The following MBD5 variants were observed in gnomAD, a reference collection of about 807,000 sequenced individuals.
The protein encoded by MBD5 is methyl-CpG binding domain protein 5, also known as methyl-CpG-binding domain protein 5.
MBD5 carries 13 observed loss-of-function variants against 117.3 expected under a neutral mutation model. The ratio of observed to expected loss-of-function variants is 0.11; its 90% CI spans 0.07 to 0.18. The LOEUF is 0.18. MBD5 is among the 10% of genes least tolerant of loss of function. The pLI, the probability that MBD5 is intolerant of heterozygous loss-of-function variation, is 1.00. For synonymous variants in MBD5, 727 were observed against 766.4 expected (o/e 0.95, Z 0.85); for missense variants, 1,879 against 2,093.8 (o/e 0.90, Z 2.00).
chr2:148,070,596 G>T (rs1373673689), intron 1 of MBD5, among the ~76,000 whole-genome samples: 1 of 152,026 alleles, frequency 6.6e-6, no homozygotes, highest in Admixed American at 6.6e-5. Flanking sequence ...ATATTTCACT[G>T]TTTTGTCCAA....
intron 3 of MBD5, chr2:148,244,504 C>T (rs539846653): frequency 2.6e-5 from 4 of 152,218 alleles, no homozygotes; most frequent in African/African-American, 9.6e-5. Context: ...GGAAATATGT[C>T]ATGAGCTATA....
At chr2:148,232,520 T>C (rs879729757) in intron 2 of MBD5, among the ~76,000 whole-genome samples, 4 of 152,128 alleles carry the variant, frequency 2.6e-5, no homozygotes, top group Non-Finnish European at 4.4e-5. Flanking sequence ...TGTTACCTAA[T>C]TGGAATGCAA....
chr2:148,222,288 G>T (rs967266573), intron 2 of MBD5, among the ~76,000 whole-genome samples: 1 of 151,896 alleles, frequency 6.6e-6, no homozygotes, highest in South Asian at 2.1e-4. Flanking sequence ...ATGTGTGTGT[G>T]TTTGAAGAAT....
intron 11 of MBD5, among the ~76,000 whole-genome samples, chr2:148,497,351 A>G (rs1340740010): frequency 2.6e-5 from 4 of 152,078 alleles, no homozygotes; most frequent in African/African-American, 9.7e-5. Context: ...TATTACTTGT[A>G]TTTTTCTAAT....
At chr2:148,082,603 G>A (rs1695671795) in intron 1 of MBD5, among the ~76,000 whole-genome samples, 1 of 152,144 alleles carries the variant, frequency 6.6e-6, no homozygotes, top group Admixed American at 6.5e-5. Context: ...TGGAATAAGT[G>A]GTAAAAGAAA....
chr2:148,508,277 A>G (rs1227532447), intron 12 of MBD5, among the ~76,000 whole-genome samples: 5 of 152,216 alleles, frequency 3.3e-5, no homozygotes, highest in African/African-American at 1.2e-4. Context: ...GACAGTACAT[A>G]CATAATAAAA....
intron 1 of MBD5, among the ~76,000 whole-genome samples, chr2:148,037,122 T>G (rs946418324): frequency 1.3e-5 from 2 of 152,012 alleles, no homozygotes; most frequent in African/African-American, 4.8e-5. Flanking sequence ...AACTTAACAT[T>G]TAGTATACTA....
intron 4 of MBD5, among the ~76,000 whole-genome samples, chr2:148,381,390 A>C (rs1235909733): frequency 6.6e-6 from 1 of 152,154 alleles, no homozygotes; most frequent in East Asian, 1.9e-4. Flanking sequence ...GAAATGAATG[A>C]AATGAGAAGT....
chr2:148,202,417 C>CA, intron 2 of MBD5, among the ~76,000 whole-genome samples: 1 of 151,984 alleles, frequency 6.6e-6, no homozygotes, highest in East Asian at 1.9e-4. Flanking sequence ...AATGGAACAG[C>CA]AAATGTAAAG....
chr2:148,408,100 T>A (rs1040935958), intron 4 of MBD5, among the ~76,000 whole-genome samples: 2 of 151,980 alleles, frequency 1.3e-5, no homozygotes, highest in African/African-American at 2.4e-5. Context: ...TTTTAAAACA[T>A]CCCAATTGAT....
At chr2:148,410,055 TGAA>T (rs1232983616) in intron 4 of MBD5, among the ~76,000 whole-genome samples, 1 of 152,146 alleles carries the variant, frequency 6.6e-6, no homozygotes, top group African/African-American at 2.4e-5. Flanking sequence ...TCAGACCTGG[TGAA>T]GAAGAACAAT....
At chr2:148,408,676 T>C (rs1392153529) in intron 4 of MBD5, among the ~76,000 whole-genome samples, 1 of 152,178 alleles carries the variant, frequency 6.6e-6, no homozygotes, top group Non-Finnish European at 1.5e-5. Flanking sequence ...TTGGGCTTCA[T>C]ACACCCCTAT....
intron 3 of MBD5, among the ~76,000 whole-genome samples, chr2:148,300,926 A>G (rs1701765199): frequency 6.6e-6 from 1 of 152,378 alleles, no homozygotes; most frequent in African/African-American, 2.4e-5. Context: ...GCTTCCAGAC[A>G]GTAGCATTGC....
At chr2:148,200,734 GA>G (rs959370908) in intron 2 of MBD5, among the ~76,000 whole-genome samples, 9 of 143,372 alleles carry the variant, frequency 6.3e-5, no homozygotes, top group East Asian at 2.0e-4. Flanking sequence ...TTTCAACACA[GA>G]AAAAAAAAGA....
intron 4 of MBD5, among the ~76,000 whole-genome samples, chr2:148,448,636 C>A (rs907685828): frequency 6.6e-6 from 1 of 151,662 alleles, no homozygotes; most frequent in Non-Finnish European, 1.5e-5. Context: ...TTGAAGAGTG[C>A]TAAGTATTTT....
chr2:148,240,452 G>A (rs1700192557), intron 3 of MBD5, among the ~76,000 whole-genome samples: 1 of 150,960 alleles, frequency 6.6e-6, no homozygotes, highest in African/African-American at 2.4e-5. Context: ...GTCTTGCCAT[G>A]TTGCCCAGGC....
chr2:148,430,270 T>C (rs1705942322), intron 4 of MBD5, among the ~76,000 whole-genome samples: 1 of 152,160 alleles, frequency 6.6e-6, no homozygotes. Flanking sequence ...TTATCTTCAT[T>C]TGGCAGATAA....
intron 3 of MBD5, among the ~76,000 whole-genome samples, chr2:148,252,490 C>G (rs1410966403): frequency 7.1e-6 from 1 of 141,600 alleles, no homozygotes; most frequent in East Asian, 2.8e-4. Context: ...CTGAAAGATA[C>G]AGACTCATAT....
intron 3 of MBD5, chr2:148,264,612 G>A (rs1290208169): frequency 6.6e-6 from 1 of 152,126 alleles, no homozygotes; most frequent in East Asian, 1.9e-4. Flanking sequence ...AAGCAGAAAA[G>A]GAATATTTGG....
Sources: allele counts gnomAD v4.1 joint callset (sites outside exome capture counted in the v4.1 genomes callset), GRCh38; gene constraint gnomAD v4.1.1; transcripts MANE v1.5; gene names NCBI Gene and HGNC (gene_info 2026-07-23, HGNC 2026-07-21).